Variants in NR5A2 observed in about 807,000 individuals in gnomAD.
The protein encoded by NR5A2 is nuclear receptor subfamily 5 group A member 2, also known as CYP7A promoter-binding factor.
Under a neutral mutation model 62.7 loss-of-function variants are expected in NR5A2, and 26 were observed. That is an observed-to-expected ratio of 0.41 (90% CI 0.30 to 0.58). The LOEUF (loss-of-function observed/expected upper bound fraction) is 0.58, where lower values mean the gene tolerates loss of function less well. NR5A2 is among the 20% of genes least tolerant of loss of function. The pLI, the probability that NR5A2 is intolerant of heterozygous loss-of-function variation, is 0.22. For missense variants in NR5A2, 541 were observed against 669.1 expected (o/e 0.81, Z 2.11); for synonymous variants, 246 against 241.7 (o/e 1.02, Z -0.16).
chr1:200,048,358 A>C lies in NR5A2; in HGVS notation c.650A>C (p.His217Pro), dbSNP rs1476159045. Reference sequence around the variant, plus strand: ...ATTTCCTCTGCAATTCAAAACATCCACTCTGCCTCCAAAGGCCTACCTCTG... The same window carrying C: ...ATTTCCTCTGCAATTCAAAACATCCCCTCTGCCTCCAAAGGCCTACCTCTG... Reference protein sequence around the residue: ...LTISSAIQNIHSASKGLPLNH... With the variant: ...LTISSAIQNIPSASKGLPLNH... The change falls in exon 5 of 8, where the codon CAC (histidine) becomes CCC (proline). Residue 217 changes from histidine (H) to proline (P), a missense_variant. His to Pro is a moderately conservative substitution (Grantham distance 77). Coordinates refer to ENST00000367362, the MANE Select transcript of NR5A2 (RefSeq NM_205860.3). This position sits in a 1 kb window ranked among gnomAD's most constrained non-coding sequence, Gnocchi z 4.8. The C allele has an allele frequency of 5.6e-6, 9 of 1,613,496 alleles. No homozygotes were observed. The highest frequency in any genetic ancestry group is 4.2e-6 in the Non-Finnish European group (5 of 1,179,896).
At chr1:200,078,663 T>C (rs532795742) in intron 5 of NR5A2, among the ~76,000 whole-genome samples, 2 of 152,364 alleles carry the variant, frequency 1.3e-5, no homozygotes, top group South Asian at 4.1e-4. Context: ...TCTTAAGTTC[T>C]AATATGATCT....
At position 200,147,921 on chromosome 1, in the gene NR5A2, G is replaced by T; in HGVS notation, c.1379-26042G>T. On this transcript the variant is annotated intron_variant, in intron 7 of 7. Coordinates refer to ENST00000367362, the MANE Select transcript of NR5A2 (RefSeq NM_205860.3). The surrounding 1 kb of genome is among the most constrained non-coding windows in gnomAD (Gnocchi z 4.9). ...GGGAGAAGCTGCGGGCTGTGATGTGGTGCAGCGCTTCGCCGGTGTTGGTGT... is the reference window on the plus strand; with the variant it reads ...GGGAGAAGCTGCGGGCTGTGATGTGTTGCAGCGCTTCGCCGGTGTTGGTGT... The T allele has an allele frequency of 2.6e-6, 1 of 382,166 alleles. No homozygotes were observed. The highest frequency in any genetic ancestry group is 4.9e-6 in the Non-Finnish European group (1 of 205,822). 23.7% of individuals were successfully genotyped at this position (382,166 alleles called of 1,614,324 possible).
rs966744932 is a variant in NR5A2 at position 200,039,369 on chromosome 1, G to T, written c.65-289G>T. Among the ~76,000 whole-genome samples, 82 of 150,524 alleles carry T rather than the reference G, an allele frequency of 5.4e-4. 1 individual carries two copies. The highest frequency in any genetic ancestry group is 1.3e-4 in the Non-Finnish European group (9 of 67,472). On this transcript the variant is annotated intron_variant, in intron 1 of 7. Coordinates refer to ENST00000367362, the MANE Select transcript of NR5A2 (RefSeq NM_205860.3). The surrounding 1 kb of genome is among the most constrained non-coding windows in gnomAD (Gnocchi z 5.1). ...CGGGAGCTCGGCGGTTCACGGCTCC[G>T]CGCCCCGGGCAGCTGCGTCCTCGCC...
chr1:200,111,219 G>A lies in NR5A2; in HGVS notation c.1128G>A (p.Lys376=). 1 of 1,611,650 alleles carries A rather than the reference G, an allele frequency of 6.2e-7. No homozygotes were observed. Among genetic ancestry groups the A allele is most frequent in the Non-Finnish European group, 8.5e-7 (1 of 1,179,312 alleles). ...FRELKVDDQM[K]LLQNCWSELL... ...TTTTGCAGGTTGATGACCAAATGAAGCTGCTTCAGAACTGCTGGAGTGAGC... is the reference window on the plus strand; with the variant it reads ...TTTTGCAGGTTGATGACCAAATGAAACTGCTTCAGAACTGCTGGAGTGAGC... The change falls in exon 6 of 8, where the codon AAG becomes AAA. Residue 376 remains lysine (K), a synonymous_variant. Transcript: ENST00000367362.
chr1:200,072,157 G>T (rs1252491572), intron 5 of NR5A2, among the ~76,000 whole-genome samples: 1 of 152,114 alleles, frequency 6.6e-6, no homozygotes, highest in East Asian at 1.9e-4. Flanking sequence ...TAATTTTTCT[G>T]TTTTTAGGTG....
intron 1 of NR5A2, among the ~76,000 whole-genome samples, chr1:200,037,011 A>T (rs1571694082): frequency 1.3e-5 from 2 of 152,114 alleles, no homozygotes; most frequent in Non-Finnish European, 2.9e-5. Context: ...TCTTTCCTGG[A>T]AAGTCCACCT....
chr1:200,076,555 A>G (rs760137421), intron 5 of NR5A2, among the ~76,000 whole-genome samples: 1 of 151,862 alleles, frequency 6.6e-6, no homozygotes, highest in Non-Finnish European at 1.5e-5. Flanking sequence ...CTATTATAGT[A>G]TCTTTTTCAT....
chr1:200,061,360 C>A (rs900456156), intron 5 of NR5A2, among the ~76,000 whole-genome samples: 3 of 146,044 alleles, frequency 2.1e-5, no homozygotes, highest in African/African-American at 5.2e-5. Flanking sequence ...CTCACTGCAA[C>A]CTCTGCCTCC....
At chr1:200,144,032 T>A (rs560530109) in intron 7 of NR5A2, among the ~76,000 whole-genome samples, 118 of 152,256 alleles carry the variant, frequency 7.8e-4, no homozygotes, top group African/African-American at 2.8e-3. Context: ...TATGTCCTTT[T>A]CTCTCCCTTT....
At chr1:200,076,787 G>A (rs1664060447) in intron 5 of NR5A2, among the ~76,000 whole-genome samples, 1 of 152,124 alleles carries the variant, frequency 6.6e-6, no homozygotes, top group Non-Finnish European at 1.5e-5. Context: ...TAAACATTAA[G>A]TAGAAACATA....
chr1:200,112,717 A>G lies in NR5A2; in HGVS notation c.1230+1396A>G, dbSNP rs1666013256. Among the ~76,000 whole-genome samples the G allele has an allele frequency of 2.0e-5, 3 of 152,156 alleles. 1 individual carries two copies. In the South Asian group the frequency reaches 6.2e-4, roughly 31 times the overall value. On this transcript the variant is annotated intron_variant, in intron 6 of 7. Coordinates refer to ENST00000367362, the MANE Select transcript of NR5A2 (RefSeq NM_205860.3). ...AGAAAATAAAGTCTCAATGGGTTTG[A>G]CTTCCTGTGCTTTCAAATTTTTTTT...
intron 5 of NR5A2, among the ~76,000 whole-genome samples, chr1:200,099,495 A>G (rs1036809831): frequency 2.6e-5 from 4 of 152,162 alleles, no homozygotes; most frequent in Non-Finnish European, 5.9e-5. Context: ...TTCATTGTGC[A>G]TCTATTTTAC....
At chr1:200,110,320 A>G (rs1665882279) in intron 5 of NR5A2, among the ~76,000 whole-genome samples, 1 of 152,362 alleles carries the variant, frequency 6.6e-6, no homozygotes, top group South Asian at 2.1e-4. Flanking sequence ...CAAAAAGTAA[A>G]CTGATACAAA....
chr1:200,120,991 C>T (rs376554990), intron 7 of NR5A2, 36 bp downstream of exon 7: 26 of 1,610,314 alleles, frequency 1.6e-5, no homozygotes, highest in African/African-American at 6.7e-5. Flanking sequence ...GCTCAACCAA[C>T]GATTGCTAAA....
chr1:200,067,259 C>T (rs186583785), intron 5 of NR5A2, among the ~76,000 whole-genome samples: 13 of 152,190 alleles, frequency 8.5e-5, no homozygotes, highest in Admixed American at 8.5e-4. Flanking sequence ...CATATTCTCA[C>T]TTATAAGTGG....
At chr1:200,094,026 G>A (rs760913439) in intron 5 of NR5A2, among the ~76,000 whole-genome samples, 1 of 151,984 alleles carries the variant, frequency 6.6e-6, no homozygotes, top group Non-Finnish European at 1.5e-5. Context: ...AAAATTTGCT[G>A]GTTGTGGTGG....
intron 5 of NR5A2, among the ~76,000 whole-genome samples, chr1:200,082,128 C>T (rs1043785919): frequency 6.6e-6 from 1 of 152,122 alleles, no homozygotes; most frequent in Non-Finnish European, 1.5e-5. Context: ...ACAGCATTCT[C>T]ATTGGAGGGA....
chr1:200,094,602 G>A (rs534470183), intron 5 of NR5A2, among the ~76,000 whole-genome samples: 6 of 126,630 alleles, frequency 4.7e-5, no homozygotes, highest in Admixed American at 1.0e-4. Flanking sequence ...GTTCGATCTC[G>A]GCTCACTGCA....
intron 7 of NR5A2, among the ~76,000 whole-genome samples, chr1:200,152,773 C>A (rs754261505): frequency 3.9e-5 from 6 of 151,948 alleles, no homozygotes; most frequent in Non-Finnish European, 8.8e-5. Flanking sequence ...TTTGCATTTG[C>A]CTTTGACATT....
Sources: gnomAD v4.1 joint callset for allele counts (sites outside exome capture counted in the v4.1 genomes callset) on GRCh38, gnomAD v4.1.1 for gene constraint, Gnocchi (gnomAD v3.1) non-coding constraint, MANE v1.5 for transcripts, NCBI Gene and HGNC (gene_info 2026-07-23, HGNC 2026-07-21) for gene names.